The following TULP1 variants were observed in gnomAD, a reference collection of about 807,000 sequenced individuals.
TULP1 encodes TUB like protein 1, also known as tubby-related protein 1.
A neutral mutation model predicts 67.1 loss-of-function variants in TULP1; 50 were observed. That is an observed-to-expected ratio of 0.75 (90% CI 0.59 to 0.94). TULP1 has a LOEUF of 0.94. Ranked by LOEUF, TULP1 falls within the 40% of genes least tolerant of loss-of-function variation. The pLI, the probability that TULP1 is intolerant of heterozygous loss-of-function variation, is 0.00. For synonymous variants in TULP1, 297 were observed against 294.0 expected, an observed-to-expected ratio of 1.01 and a Z score of -0.11; for missense variants, 746 against 734.1, an observed-to-expected ratio of 1.02 and a Z score of -0.19.
At chr6:35,509,604 G>A (rs377044376) in intron 7 of TULP1, 30 bp downstream of exon 7, 10 of 1,606,738 alleles carry the variant, frequency 6.2e-6, no homozygotes, top group Middle Eastern at 1.7e-4. Context: ...ACCTCAAGAT[G>A]TCACCACACC....
intron 14 of TULP1, 96 bp downstream of exon 14, chr6:35,499,885 G>T: frequency 1.6e-6 from 2 of 1,272,306 alleles, no homozygotes; most frequent in Non-Finnish European, 2.3e-6. Flanking sequence ...ATAAAGGCTG[G>T]TGTGTGTGTG....
In TULP1 at chr6:35,498,068, C is replaced by T. The variant is rs1201989088; in HGVS notation, c.*259G>A. 5.0e-6 allele frequency: 3 copies of T among 596,702 alleles called. No individual in the cohort carries two copies. Among genetic ancestry groups the T allele is most frequent in the Non-Finnish European group, 8.8e-6 (3 of 340,292 alleles). 37.0% of individuals were successfully genotyped at this position (596,702 alleles called of 1,614,324 possible). A position where few individuals can be genotyped will look rare whatever the true frequency, so the allele number is the denominator to read the frequency against. On this transcript the variant is annotated 3_prime_UTR_variant, in exon 15 of 15. Coordinates refer to ENST00000229771, the MANE Select transcript of TULP1 (RefSeq NM_003322.6). The surrounding 1 kb of genome is among the most constrained non-coding windows in gnomAD (Gnocchi z 6.7). ...CGCGGGGAGGAGGGGGGCACAGCGG[C>T]GCAGGCGAGCTCCGAGACCAGATGT... is the stretch of plus-strand genomic sequence containing the variant.
rs1440066596 is a variant in TULP1 at position 35,498,420 on chromosome 6, G to A, written c.1536C>T (p.Asp512=). The change falls in exon 15 of 15, where the codon GAC becomes GAT. Residue 512 remains aspartate, a synonymous_variant. Coordinates refer to ENST00000229771, the MANE Select transcript of TULP1 (RefSeq NM_003322.6). This position sits in a 1 kb window ranked among gnomAD's most constrained non-coding sequence, Gnocchi z 6.7. ...IVLQFGRVAE[D]AFTLDYRYPL... ...GGTACCGGTAGTCTAGGGTGAAGGC[G>A]TCCTCCGCCACGCGGCCGAACTGCA... is the stretch of plus-strand genomic sequence containing the variant. The A allele has an allele frequency of 6.2e-7, 1 of 1,613,940 alleles. No homozygotes were observed. Among genetic ancestry groups the A allele is most frequent in the South Asian group, 1.1e-5 (1 of 91,080 alleles).
intron 4 of TULP1, 110 bp downstream of exon 4, chr6:35,511,538 C>T: frequency 5.3e-6 from 8 of 1,497,308 alleles, no homozygotes; most frequent in Non-Finnish European, 7.3e-6. Flanking sequence ...AAAGTGGGGG[C>T]TATTTGACTA....
rs756252789 is a variant in TULP1, at chr6:35,511,003, C to T, written c.357G>A (p.Glu119=). Residue 119 remains glutamate (E), a synonymous_variant, in exon 5 of 15, where the codon GAG becomes GAA. Coordinates refer to ENST00000229771, the MANE Select transcript of TULP1 (RefSeq NM_003322.6). ...CGTCCTCCTCGTCCTCCTCTTCCTC[C>T]TCCTCCTCTGCAGGTAGAAACTCTT... ...ARAPDAEDEE[E]EEEEDEEDEE... The T allele has an allele frequency of 3.1e-6, 5 of 1,605,976 alleles. No individual in the cohort carries two copies. In the East Asian group the frequency reaches 6.7e-5, roughly 21 times the overall value.
Position 35,509,216 on chromosome 6 carries a change from C to T in TULP1, c.815G>A (p.Gly272Asp). Residue 272 changes from glycine to aspartate, a missense_variant, in exon 8 of 15, where the codon GGC (glycine) becomes GAC (aspartate). Coordinates refer to ENST00000229771, the MANE Select transcript of TULP1 (RefSeq NM_003322.6). ...SNQKGKAKGKGKKKAKEERAP... is the reference protein window; with the variant it reads ...SNQKGKAKGKDKKKAKEERAP... ...GCCCCTCTGGGCCCCAACCTTTTTGCCTTTTCCTTTGGCTTTGCCCTTTTG... is the reference window on the plus strand; with the variant it reads ...GCCCCTCTGGGCCCCAACCTTTTTGTCTTTTCCTTTGGCTTTGCCCTTTTG... The T allele has an allele frequency of 6.2e-7, 1 of 1,613,992 alleles. No individual in the cohort carries two copies. Among genetic ancestry groups the T allele is most frequent in the Non-Finnish European group, 8.5e-7 (1 of 1,179,918 alleles).
intron 4 of TULP1, 142 bp downstream of exon 4, chr6:35,511,506 C>A (rs1761201159): frequency 1.5e-6 from 2 of 1,315,992 alleles, no homozygotes; most frequent in Admixed American, 4.0e-5. Flanking sequence ...AGCACAATAC[C>A]TGGCTCAAAG....
At chr6:35,507,514 C>T (rs1172230317) in intron 8 of TULP1, among the ~76,000 whole-genome samples, 2 of 152,186 alleles carry the variant, frequency 1.3e-5, no homozygotes, top group Non-Finnish European at 2.9e-5. Context: ...GCATAGTTAA[C>T]ACATGAATGA....
chr6:35,509,414 G>T, intron 7 of TULP1, 102 bp from the exon 8 acceptor site: 1 of 1,213,176 alleles, frequency 8.2e-7, no homozygotes, highest in Non-Finnish European at 1.2e-6. Context: ...AACCACAAGA[G>T]AGTCGACCCC....
At chr6:35,506,249 C>T (rs747462924) in intron 9 of TULP1, 25 bp downstream of exon 9, 181 of 1,598,942 alleles carry the variant, frequency 1.1e-4, no homozygotes, top group Non-Finnish European at 1.1e-4. Flanking sequence ...TGCTGAGACA[C>T]GGGCAGCCCG....
At chr6:35,505,022 C>T (rs1402528354) in intron 11 of TULP1, among the ~76,000 whole-genome samples, 1 of 152,128 alleles carries the variant, frequency 6.6e-6, no homozygotes, top group Non-Finnish European at 1.5e-5. Context: ...CTGCAACCTC[C>T]CCGTCTTGGG....
chr6:35,501,905 A>G (rs1760974109), intron 13 of TULP1, among the ~76,000 whole-genome samples: 1 of 152,222 alleles, frequency 6.6e-6, no homozygotes, highest in South Asian at 2.1e-4. Context: ...AATCAGTTTT[A>G]AAGACCCTGT....
At chr6:35,499,925 G>A (rs1561812175) in intron 14 of TULP1, 56 bp downstream of exon 14, 1 of 1,602,782 alleles carries the variant, frequency 6.2e-7, no homozygotes, top group South Asian at 1.1e-5. Context: ...CTTGAATGAA[G>A]GTCAGCATCC....
chr6:35,507,248 G>A (rs1311600244), intron 8 of TULP1, among the ~76,000 whole-genome samples: 1 of 150,610 alleles, frequency 6.6e-6, no homozygotes, highest in Non-Finnish European at 1.5e-5. Flanking sequence ...TCCAGGAGAG[G>A]TCCCTGTAGG....
In TULP1 at chr6:35,498,277, T is replaced by C. The variant is rs1363460861; in HGVS notation, c.*50A>G. On this transcript the variant is annotated 3_prime_UTR_variant, in exon 15 of 15. Coordinates refer to ENST00000229771, the MANE Select transcript of TULP1 (RefSeq NM_003322.6). The surrounding 1 kb of genome is among the most constrained non-coding windows in gnomAD (Gnocchi z 6.7). ...AGGGACCCTGCCAGCCTCCACTGAA[T>C]CCTTTCCCCCACGCTGACGGGCTCT... The C allele has an allele frequency of 6.2e-7, 1 of 1,605,104 alleles. No homozygotes were observed. The highest frequency in any genetic ancestry group is 8.5e-7 in the Non-Finnish European group (1 of 1,177,904).
chr6:35,511,589 GC>G lies in TULP1; in HGVS notation c.349+58del, dbSNP rs1761201984. ...TCTCTGGGCCGTTCCCGTCCAGCCA[GC>G]CCCTTCTCTCCTTAGCTCCACCGCC... On this transcript the variant is annotated intron_variant, in intron 4 of 14. Coordinates refer to ENST00000229771, the MANE Select transcript of TULP1 (RefSeq NM_003322.6). The G allele has an allele frequency of 5.1e-6, 8 of 1,562,546 alleles. No individual in the cohort carries two copies. In the Admixed American group the frequency reaches 1.1e-4, roughly 22 times the overall value.
chr6:35,508,989 A>T (rs1387956832), intron 8 of TULP1, among the ~76,000 whole-genome samples: 1 of 152,170 alleles, frequency 6.6e-6, no homozygotes, highest in Non-Finnish European at 1.5e-5. Flanking sequence ...CCCAGATGAC[A>T]TAAGGCCCTT....
At chr6:35,499,823 G>A (rs1197580963) in intron 14 of TULP1, among the ~76,000 whole-genome samples, 158 bp downstream of exon 14, 1 of 152,224 alleles carries the variant, frequency 6.6e-6, no homozygotes, top group African/African-American at 2.4e-5. Flanking sequence ...AGAGCACAGT[G>A]TCAGTGCCTA....
chr6:35,505,461 C>T, intron 11 of TULP1: 1 of 759,620 alleles, frequency 1.3e-6, no homozygotes, highest in Non-Finnish European at 2.1e-6. Context: ...CCTCGTGGAA[C>T]TTATGCCCTG....
Sources: allele counts gnomAD v4.1 joint callset (sites outside exome capture counted in the v4.1 genomes callset), GRCh38; gene constraint gnomAD v4.1.1; non-coding constraint Gnocchi (gnomAD v3.1); transcripts MANE v1.5; gene names NCBI Gene and HGNC (gene_info 2026-07-23, HGNC 2026-07-21).